Variants in FAM124B observed in about 807,000 individuals in gnomAD.
The protein encoded by FAM124B is protein FAM124B.
A neutral mutation model predicts 19.7 loss-of-function variants in FAM124B; 18 were observed. That is an observed-to-expected ratio of 0.92 (90% CI 0.63 to 1.36). The LOEUF (loss-of-function observed/expected upper bound fraction) is 1.36. Among genes scored for constraint, FAM124B ranks in the 40% most tolerant of loss-of-function variants. The probability of loss-of-function intolerance (pLI) is 0.00; values close to 1 mark genes in which losing one functional copy is unlikely to be tolerated. For synonymous variants in FAM124B, 223 were observed against 225.2 expected, an observed-to-expected ratio of 0.99 and a Z score of 0.09; for missense variants, 540 against 553.3, an observed-to-expected ratio of 0.98 and a Z score of 0.24.
intron 1 of FAM124B, among the ~76,000 whole-genome samples, chr2:224,388,093 A>C (rs111497897): frequency 6.6e-6 from 1 of 151,970 alleles, no homozygotes; most frequent in African/African-American, 2.4e-5. Flanking sequence ...CTGGAAATAA[A>C]CATGTGTAAT....
chr2:224,399,641 C>T (rs1690030890), intron 1 of FAM124B: 1 of 152,122 alleles, frequency 6.6e-6, no homozygotes, highest in Admixed American at 6.5e-5. Flanking sequence ...ACCACATGAA[C>T]TTTGAGGGTA....
At chr2:224,388,159 C>T (rs147824828) in intron 1 of FAM124B, among the ~76,000 whole-genome samples, 6 of 152,150 alleles carry the variant, frequency 3.9e-5, no homozygotes, top group East Asian at 1.9e-4. Flanking sequence ...AATACAAGAA[C>T]GGGAAAATAT....
chr2:224,395,095 G>C (rs991414880), intron 1 of FAM124B, among the ~76,000 whole-genome samples: 1 of 152,158 alleles, frequency 6.6e-6, no homozygotes, highest in Non-Finnish European at 1.5e-5. Flanking sequence ...CAAACAGAAT[G>C]AGAAGATCAC....
chr2:224,391,332 C>A (rs1689884303), intron 1 of FAM124B, among the ~76,000 whole-genome samples: 1 of 143,310 alleles, frequency 7.0e-6, no homozygotes, highest in Non-Finnish European at 1.5e-5. Flanking sequence ...CAGAGCAAGA[C>A]TCTTGTCTCA....
At chr2:224,400,023 T>TAC (rs1690036373) in intron 1 of FAM124B, 1 of 154,330 alleles carries the variant, frequency 6.5e-6, no homozygotes, top group Admixed American at 6.4e-5. Flanking sequence ...CATGACTAAA[T>TAC]ACACACATGC....
chr2:224,393,349 C>T (rs1433843071), intron 1 of FAM124B, among the ~76,000 whole-genome samples: 1 of 152,184 alleles, frequency 6.6e-6, no homozygotes, highest in Non-Finnish European at 1.5e-5. Context: ...AGATGGTACA[C>T]CCCAGACTGT....
At chr2:224,398,801 C>A (rs1326240251) in intron 1 of FAM124B, among the ~76,000 whole-genome samples, 1 of 152,152 alleles carries the variant, frequency 6.6e-6, no homozygotes, top group African/African-American at 2.4e-5. Flanking sequence ...CATAGTGAAA[C>A]CCCATCTCCA....
At chr2:224,386,779 C>T (rs1475229731) in intron 1 of FAM124B, among the ~76,000 whole-genome samples, 1 of 151,846 alleles carries the variant, frequency 6.6e-6, no homozygotes, top group Non-Finnish European at 1.5e-5. Flanking sequence ...TAAATATCTG[C>T]TATATAAATA....
intron 1 of FAM124B, among the ~76,000 whole-genome samples, chr2:224,384,029 A>G (rs1450397798): frequency 6.6e-6 from 1 of 152,132 alleles, no homozygotes; most frequent in Non-Finnish European, 1.5e-5. Flanking sequence ...GCCCCTTGCC[A>G]TCTAAATCAA....
At position 224,401,431 on chromosome 2, in the gene FAM124B, T is replaced by C. The variant is rs756858453; in HGVS notation, c.338A>G (p.Asn113Ser). ...RGRLCPYFFA[N>S]QEFYSLDSQL... ...ACTGTCCAGGCTGTAGAACTCCTGA[T>C]TGGCAAAAAAGTAGGGACACAGCCT... Residue 113 changes from asparagine (N) to serine (S), a missense_variant, in exon 1 of 2, where the codon AAT becomes AGT. Transcript: ENST00000409685. 147 of 1,613,768 alleles carry C rather than the reference T, an allele frequency of 9.1e-5. 1 individual carries two copies. In the East Asian group the frequency reaches 1.6e-3, roughly 17 times the overall value.
chr2:224,387,130 G>C (rs1412277941), intron 1 of FAM124B, among the ~76,000 whole-genome samples: 1 of 152,228 alleles, frequency 6.6e-6, no homozygotes, highest in Admixed American at 6.5e-5. Flanking sequence ...CCTTCAGGGA[G>C]AATTAAGCTC....
Position 224,379,564 on chromosome 2 carries a change from T to C in FAM124B, c.*9A>G, listed in dbSNP as rs772711290. ...ATCTTGTGTTTTAGAAAACCACATT[T>C]ATTTTATGCTATATAAAGAATTCTT... On this transcript the variant is annotated 3_prime_UTR_variant, in exon 2 of 2. Transcript: ENST00000409685. 2.2e-5 allele frequency: 34 copies of C among 1,511,942 alleles called. No individual in the cohort carries two copies. The highest frequency in any genetic ancestry group is 2.7e-6 in the Non-Finnish European group (3 of 1,129,304). 93.7% of individuals were successfully genotyped at this position (1,511,942 alleles called of 1,614,324 possible).
At chr2:224,396,691 C>A (rs1396653007) in intron 1 of FAM124B, among the ~76,000 whole-genome samples, 1 of 152,204 alleles carries the variant, frequency 6.6e-6, no homozygotes, top group African/African-American at 2.4e-5. Flanking sequence ...TGCCTCGGGG[C>A]TAAACTGATC....
At chr2:224,383,710 A>C (rs1403309241) in intron 1 of FAM124B, among the ~76,000 whole-genome samples, 1 of 152,076 alleles carries the variant, frequency 6.6e-6, no homozygotes, top group Non-Finnish European at 1.5e-5. Flanking sequence ...CTATCTCCGA[A>C]ATGTCAGCTG....
At chr2:224,391,151 G>T (rs1470774962) in intron 1 of FAM124B, among the ~76,000 whole-genome samples, 1 of 150,722 alleles carries the variant, frequency 6.6e-6, no homozygotes, top group Non-Finnish European at 1.5e-5. Context: ...GACGAGCCTG[G>T]CCAAGATGGT....
Position 224,401,198 on chromosome 2 carries a change from G to C in FAM124B, c.571C>G (p.Leu191Val). The change falls in exon 1 of 2, where the codon CTG (leucine) becomes GTG (valine). Residue 191 changes from leucine (L) to valine (V), a missense_variant. By Grantham distance (32) the Leu-to-Val change is conservative. Coordinates refer to ENST00000409685, the MANE Select transcript of FAM124B (RefSeq NM_001122779.2). Reference sequence around the variant, plus strand: ...GGGTCCACTGACATTCCCGGGGGCAGCTGCTTCAGGGAGAGCTGCAGAGCA... The same window carrying C: ...GGGTCCACTGACATTCCCGGGGGCACCTGCTTCAGGGAGAGCTGCAGAGCA... ...SFALQLSLKQ[L>V]PPGMSVDPKE... is the part of the protein sequence containing the mutation. 3 of 1,614,206 alleles carry C rather than the reference G, an allele frequency of 1.9e-6. No individual in the cohort carries two copies. Among genetic ancestry groups the C allele is most frequent in the Non-Finnish European group, 2.5e-6 (3 of 1,180,040 alleles).
chr2:224,382,620 G>C (rs967716841), intron 1 of FAM124B, among the ~76,000 whole-genome samples: 1 of 152,036 alleles, frequency 6.6e-6, no homozygotes, highest in Non-Finnish European at 1.5e-5. Context: ...TATTGGTCAG[G>C]CTGGTCTCAA....
chr2:224,384,329 C>T (rs1333567970), intron 1 of FAM124B, among the ~76,000 whole-genome samples: 2 of 152,230 alleles, frequency 1.3e-5, no homozygotes, highest in Admixed American at 1.3e-4. Flanking sequence ...CAGCCCCTCC[C>T]ATCCACACTG....
At chr2:224,393,282 T>C (rs1574575175) in intron 1 of FAM124B, among the ~76,000 whole-genome samples, 1 of 152,176 alleles carries the variant, frequency 6.6e-6, no homozygotes, top group East Asian at 1.9e-4. Context: ...CTCATCCCTA[T>C]GATTAAGTCA....
Sources: gnomAD v4.1 joint callset for allele counts (sites outside exome capture counted in the v4.1 genomes callset) on GRCh38, gnomAD v4.1.1 for gene constraint, MANE v1.5 for transcripts, NCBI Gene and HGNC (gene_info 2026-07-23, HGNC 2026-07-21) for gene names.